The following AGMO variants were observed in gnomAD, a reference collection of about 807,000 sequenced individuals.
AGMO encodes alkylglycerol monooxygenase, also known as glyceryl-ether monooxygenase.
Under a neutral mutation model 60.2 loss-of-function variants are expected in AGMO, and 75 were observed. That is an observed-to-expected ratio of 1.25 (90% CI 1.03 to 1.51). AGMO has a LOEUF of 1.51. Among genes scored for constraint, AGMO ranks in the 40% most tolerant of loss-of-function variants. The pLI is 0.00. For missense variants in AGMO, 763 were observed against 525.5 expected (o/e 1.45, Z -4.42); for synonymous variants, 261 against 177.1 (o/e 1.47, Z -3.76).
Position 15,328,105 on chromosome 7 carries a change from CTTTTT to C in AGMO, c.1263+37404_1263+37408del, listed in dbSNP as rs147511935. On this transcript the variant is annotated intron_variant, in intron 12 of 12. Coordinates refer to ENST00000342526, the MANE Select transcript of AGMO (RefSeq NM_001004320.2). ...CACTGAGTCCTTCCTTCCTTCTTTTCTTTTTTATTTTTTTTCCAAAGTCTCACTGT... is the reference window on the plus strand; with the variant it reads ...CACTGAGTCCTTCCTTCCTTCTTTTCTATTTTTTTTCCAAAGTCTCACTGT... 5.0e-3 allele frequency among the ~76,000 whole-genome samples: 751 copies of C among 151,094 alleles called. 8 individuals are homozygous for C. The highest frequency in any genetic ancestry group is 0.016 in the African/African-American group (648 of 41,226).
chr7:15,469,310 T>A (rs1335923527), intron 3 of AGMO, among the ~76,000 whole-genome samples: 2 of 152,132 alleles, frequency 1.3e-5, no homozygotes, highest in African/African-American at 4.8e-5. Flanking sequence ...TTTTAATGTA[T>A]TACAGCTCAG....
At chr7:15,130,259 T>C in the AGMO span, among the ~76,000 whole-genome samples, 4 of 152,074 alleles carry the variant, frequency 2.6e-5, no homozygotes, top group Non-Finnish European at 5.9e-5. Flanking sequence ...TTTTTTTCTT[T>C]CATGTTTCAA....
At chr7:15,336,647 G>C (rs921029221) in intron 12 of AGMO, among the ~76,000 whole-genome samples, 1 of 152,088 alleles carries the variant, frequency 6.6e-6, no homozygotes, top group Admixed American at 6.6e-5. Context: ...TAGAATATGG[G>C]CTGTTATATT....
chr7:15,306,258 T>C (rs1193199014), intron 12 of AGMO: 1 of 238,616 alleles, frequency 4.2e-6, no homozygotes, highest in Non-Finnish European at 8.4e-6. Context: ...GAAGGTCTTT[T>C]TTTATTTCAT....
chr7:15,208,687 T>C (rs980514239), intron 12 of AGMO, among the ~76,000 whole-genome samples: 2 of 152,184 alleles, frequency 1.3e-5, no homozygotes, highest in Non-Finnish European at 2.9e-5. Flanking sequence ...ATAAGATAGT[T>C]CTGTGAATTT....
At chr7:15,504,461 A>C (rs1163923594) in intron 3 of AGMO, among the ~76,000 whole-genome samples, 2 of 151,998 alleles carry the variant, frequency 1.3e-5, no homozygotes, top group African/African-American at 4.8e-5. Flanking sequence ...GTTTAATGGA[A>C]GTGACATAGC....
intron 12 of AGMO, among the ~76,000 whole-genome samples, chr7:15,255,208 G>A (rs947429373): frequency 1.3e-4 from 20 of 152,000 alleles, no homozygotes; most frequent in African/African-American, 2.9e-4. Flanking sequence ...GAGCCTGTCC[G>A]GGGAGGGGAG....
At chr7:15,554,834 A>G (rs1033860615) in intron 2 of AGMO, among the ~76,000 whole-genome samples, 1 of 151,850 alleles carries the variant, frequency 6.6e-6, no homozygotes, top group Non-Finnish European at 1.5e-5. Context: ...AGTCATCTCC[A>G]TCTGAGTCTA....
chr7:15,397,447 C>A (rs975041114), intron 5 of AGMO, among the ~76,000 whole-genome samples: 1 of 152,110 alleles, frequency 6.6e-6, no homozygotes, highest in Non-Finnish European at 1.5e-5. Flanking sequence ...CCACAGAGGG[C>A]CCCCCACAGC....
intron 5 of AGMO, among the ~76,000 whole-genome samples, chr7:15,410,582 G>A (rs527569843): frequency 3.3e-5 from 5 of 151,922 alleles, no homozygotes; most frequent in Admixed American, 2.0e-4. Flanking sequence ...GTCACAAAAT[G>A]TATGTGAATA....
Position 15,385,579 on chromosome 7 carries a change from C to A in AGMO, c.958-17G>T, listed in dbSNP as rs1783878466. ...GCCGGTGACCTAGGGAGACAAGAAC[C>A]ATTTCCTTTATATTGCTCCAGACTC... On this transcript the variant is annotated splice_polypyrimidine_tract_variant and intron_variant, in intron 9 of 12. Coordinates refer to ENST00000342526, the MANE Select transcript of AGMO (RefSeq NM_001004320.2). 1 of 1,443,334 alleles carries A rather than the reference C, an allele frequency of 6.9e-7. No individual in the cohort carries two copies. Among genetic ancestry groups the A allele is most frequent in the Admixed American group, 1.7e-5 (1 of 59,218 alleles). 89.4% of individuals were successfully genotyped at this position (1,443,334 alleles called of 1,614,324 possible).
the AGMO span, among the ~76,000 whole-genome samples, chr7:15,144,873 A>G: frequency 1.3e-5 from 2 of 152,212 alleles, no homozygotes; most frequent in African/African-American, 4.8e-5. Flanking sequence ...TCTGCCGCCC[A>G]GGCTGGAGTG....
At chr7:15,125,379 G>C in the AGMO span, among the ~76,000 whole-genome samples, 1 of 152,216 alleles carries the variant, frequency 6.6e-6, no homozygotes, top group Non-Finnish European at 1.5e-5. Flanking sequence ...TGCAGTGGAG[G>C]TAGGCTTCTA....
rs80150119 is a variant in AGMO, at chr7:15,466,516, A to G, written c.410-35408T>C. On this transcript the variant is annotated intron_variant, in intron 3 of 12. Transcript: ENST00000342526. ...ATGGCTCATGTTATAGGTGAAGAAA[A>G]GCTGAGAAAGATTAAGGAACTTGCC... Among the ~76,000 whole-genome samples the G allele has an allele frequency of 2.9e-4, 44 of 152,280 alleles. No homozygotes were observed. In the East Asian group the frequency reaches 8.1e-3, roughly 28 times the overall value.
chr7:15,410,091 C>A (rs1056973996), intron 5 of AGMO, among the ~76,000 whole-genome samples: 1 of 151,686 alleles, frequency 6.6e-6, no homozygotes, highest in African/African-American at 2.4e-5. Context: ...ACTGAGAATT[C>A]TTGGGCTGAG....
the AGMO span, among the ~76,000 whole-genome samples, chr7:15,143,607 A>G: frequency 1.3e-5 from 2 of 152,154 alleles, no homozygotes; most frequent in East Asian, 3.9e-4. Flanking sequence ...ATTCAGAAAT[A>G]TTTAAAAACA....
At position 15,221,050 on chromosome 7, in the gene AGMO, T is replaced by C. The variant is rs115448519; in HGVS notation, c.1264-19691A>G. ...AATGATGAATAACTTGGTGTTGTTT[T>C]ACACCTCCAAGAAAAGAAGGAGAAA... On this transcript the variant is annotated intron_variant, in intron 12 of 12. Coordinates refer to ENST00000342526, the MANE Select transcript of AGMO (RefSeq NM_001004320.2). 7.0e-3 allele frequency among the ~76,000 whole-genome samples: 1,069 copies of C among 152,316 alleles called. 12 individuals are homozygous for C. Among genetic ancestry groups the C allele is most frequent in the African/African-American group, 0.024 (983 of 41,566 alleles).
chr7:15,212,863 T>C (rs1333340552), intron 12 of AGMO, among the ~76,000 whole-genome samples: 2 of 151,960 alleles, frequency 1.3e-5, no homozygotes, highest in African/African-American at 4.8e-5. Context: ...TACAAAGTTG[T>C]TGCAATGTTC....
chr7:15,276,945 T>A (rs964828998), intron 12 of AGMO, among the ~76,000 whole-genome samples: 2 of 151,864 alleles, frequency 1.3e-5, no homozygotes, highest in Non-Finnish European at 2.9e-5. Context: ...GGATTGCCTT[T>A]CTGGTTTCTT....
Sources: gnomAD v4.1 joint callset for allele counts (sites outside exome capture counted in the v4.1 genomes callset) on GRCh38, gnomAD v4.1.1 for gene constraint, MANE v1.5 for transcripts, NCBI Gene and HGNC (gene_info 2026-07-23, HGNC 2026-07-21) for gene names.